C2CD5: variants seen among roughly 807,000 people sequenced by gnomAD.
The protein encoded by C2CD5 is C2 domain-containing protein 5.
Under a neutral mutation model 130.3 loss-of-function variants are expected in C2CD5, and 109 were observed. That is an observed-to-expected ratio of 0.84 (90% confidence interval 0.72 to 0.98). The LOEUF (loss-of-function observed/expected upper bound fraction) is 0.98, where lower values mean the gene tolerates loss of function less well. Ranked by LOEUF, C2CD5 falls within the 50% of genes least tolerant of loss-of-function variation. The pLI, the probability that C2CD5 is intolerant of heterozygous loss-of-function variation, is 0.00. For synonymous variants in C2CD5, 454 were observed against 429.2 expected (o/e 1.06, Z -0.71); for missense variants, 996 against 1,261.8 (o/e 0.79, Z 3.19).
intron 16 of C2CD5, among the ~76,000 whole-genome samples, chr12:22,473,383 T>C (rs1157174899): frequency 6.6e-6 from 1 of 152,112 alleles, no homozygotes; most frequent in South Asian, 2.1e-4. Flanking sequence ...TCTTCCCACA[T>C]CACCCTCAGG....
chr12:22,544,263 G>A (rs925127273), intron 1 of C2CD5, 57 bp downstream of exon 1: 3 of 999,396 alleles, frequency 3.0e-6, no homozygotes, highest in Admixed American at 3.6e-5. Context: ...TGACAGCGAA[G>A]GAGCGCGCGG....
intron 22 of C2CD5, among the ~76,000 whole-genome samples, chr12:22,466,565 T>C (rs1379408831): frequency 6.6e-6 from 1 of 152,158 alleles, no homozygotes; most frequent in Non-Finnish European, 1.5e-5. Context: ...AAGACTCTAT[T>C]ATATTTTTCA....
Position 22,512,781 on chromosome 12 carries a change from A to C in C2CD5, c.1038+513T>G, listed in dbSNP as rs868108098. On this transcript the variant is annotated intron_variant, in intron 9 of 26. Coordinates refer to ENST00000446597, the MANE Select transcript of C2CD5 (RefSeq NM_001286176.2). ...CAATGAACAAATATAGCTAAATCTC[A>C]AACTTACAATAACTGAAATAGATGC... 54 of 745,328 alleles carry C rather than the reference A, an allele frequency of 7.2e-5. 1 individual carries two copies. In the Middle Eastern group the frequency reaches 0.011, roughly 147 times the overall value. 46.2% of individuals were successfully genotyped at this position (745,328 alleles called of 1,614,324 possible). A position where few individuals can be genotyped will look rare whatever the true frequency, so the allele number is the denominator to read the frequency against.
intron 2 of C2CD5, 133 bp downstream of exon 2, chr12:22,543,928 G>A: frequency 1.5e-6 from 1 of 669,800 alleles, no homozygotes. Flanking sequence ...TCCCTCGTGG[G>A]AGAGCTGGAC....
At position 22,523,467 on chromosome 12, in the gene C2CD5, T is replaced by A. The variant is rs761253900; in HGVS notation, c.759A>T (p.Ala253=). The change falls in exon 7 of 27, where the codon GCA becomes GCT. Residue 253 remains alanine (A), a synonymous_variant. Coordinates refer to ENST00000446597, the MANE Select transcript of C2CD5 (RefSeq NM_001286176.2). ...ATGGGGAATTACATGCAGGAAGGAA[T>A]GCTGCTGGGCTACTTAATTTATCCA... ...CTLDKLSSPA[A]FLPACNSPSK... The A allele has an allele frequency of 1.3e-5, 21 of 1,613,958 alleles. No individual in the cohort carries two copies. The highest frequency in any genetic ancestry group is 1.6e-4 in the Middle Eastern group (1 of 6,084).
At chr12:22,505,254 CTTTTTTT>C (rs371726014) in intron 10 of C2CD5, among the ~76,000 whole-genome samples, 4 of 106,332 alleles carry the variant, frequency 3.8e-5, no homozygotes, top group African/African-American at 1.8e-4. Context: ...TTCTTTCTTT[CTTTTTTT>C]TTTTTTTTTT....
At chr12:22,518,217 G>A in intron 7 of C2CD5, 80 bp from the exon 8 acceptor site, 9 of 1,350,880 alleles carry the variant, frequency 6.7e-6, no homozygotes, top group Non-Finnish European at 9.5e-6. Flanking sequence ...CAAACACCAG[G>A]AAAGAATTGG....
intron 15 of C2CD5, among the ~76,000 whole-genome samples, chr12:22,475,284 T>A (rs1943678226): frequency 6.6e-6 from 1 of 152,196 alleles, no homozygotes; most frequent in Non-Finnish European, 1.5e-5. Context: ...CTAGAAAGAA[T>A]TCTAATCTTT....
At chr12:22,506,892 T>G in intron 9 of C2CD5, 73 bp from the exon 10 acceptor site, 1 of 870,190 alleles carries the variant, frequency 1.1e-6, no homozygotes, top group Non-Finnish European at 2.0e-6. Context: ...TTAAAAAGCT[T>G]GCCATAGCAA....
intron 25 of C2CD5, 103 bp downstream of exon 25, chr12:22,456,868 T>C (rs777910289): frequency 3.1e-6 from 2 of 645,494 alleles, no homozygotes; most frequent in Non-Finnish European, 5.3e-6. Context: ...TATAAATAAA[T>C]ATTTGTAAGT....
chr12:22,484,968 C>T (rs1479153151), intron 12 of C2CD5, 80 bp from the exon 13 acceptor site: 1 of 612,914 alleles, frequency 1.6e-6, no homozygotes, highest in African/African-American at 1.9e-5. Flanking sequence ...ACTGATATTA[C>T]ATACACAGTA....
At chr12:22,512,627 C>T (rs1949307533) in intron 9 of C2CD5, 1 of 1,462,538 alleles carries the variant, frequency 6.8e-7, no homozygotes, top group Non-Finnish European at 9.1e-7. Context: ...TAGGCTCTCA[C>T]ACATTTTTCA....
intron 14 of C2CD5, among the ~76,000 whole-genome samples, chr12:22,480,956 A>G (rs1944622597): frequency 6.6e-6 from 1 of 152,014 alleles, no homozygotes; most frequent in African/African-American, 2.4e-5. Flanking sequence ...AGGCACAAGC[A>G]GCCACGCCTG....
Position 22,482,739 on chromosome 12 carries a change from A to G in C2CD5, c.1555T>C (p.Cys519Arg), listed in dbSNP as rs544893849. Residue 519 changes from cysteine to arginine, a missense_variant, in exon 14 of 27, where the codon TGT (cysteine) becomes CGT (arginine). Transcript: ENST00000446597. ...GCCTGTGCTTTCTTTTTTAAGCGAC[A>G]TAACCTGTAAAGGAAAATAAGTCAG... is the stretch of plus-strand genomic sequence containing the variant. ...GKGCLIQARL[C>R]RLKKKAQAEA... is the part of the protein sequence containing the mutation. 1.9e-6 allele frequency: 3 copies of G among 1,612,110 alleles called. No homozygotes were observed. The highest frequency in any genetic ancestry group is 2.5e-6 in the Non-Finnish European group (3 of 1,178,478).
chr12:22,482,987 G>A (rs530375762), intron 13 of C2CD5, among the ~76,000 whole-genome samples: 119 of 152,194 alleles, frequency 7.8e-4, no homozygotes, highest in Non-Finnish European at 1.5e-3. Flanking sequence ...TAGCACAACA[G>A]GGTATCTACA....
chr12:22,467,008 T>G (rs1372637151), intron 22 of C2CD5, among the ~76,000 whole-genome samples: 1 of 152,136 alleles, frequency 6.6e-6, no homozygotes, highest in African/African-American at 2.4e-5. Flanking sequence ...TTCAGAAAAG[T>G]AGGGGATCCA....
chr12:22,522,411 T>G (rs1591973685), intron 7 of C2CD5, among the ~76,000 whole-genome samples: 1 of 152,226 alleles, frequency 6.6e-6, no homozygotes, highest in African/African-American at 2.4e-5. Flanking sequence ...ACCATCATGT[T>G]GAAAATCTCT....
chr12:22,502,150 A>G (rs1947883677), intron 10 of C2CD5, among the ~76,000 whole-genome samples: 1 of 152,124 alleles, frequency 6.6e-6, no homozygotes, highest in South Asian at 2.1e-4. Context: ...CATATGTAAA[A>G]TTACTTTTTA....
intron 7 of C2CD5, among the ~76,000 whole-genome samples, chr12:22,519,494 G>A (rs1310923638): frequency 1.3e-5 from 2 of 151,928 alleles, no homozygotes; most frequent in Non-Finnish European, 2.9e-5. Context: ...ATAGCAAGCA[G>A]AATAGTCAAT....
Sources: gnomAD v4.1 joint callset for allele counts (sites outside exome capture counted in the v4.1 genomes callset) on GRCh38, gnomAD v4.1.1 for gene constraint, MANE v1.5 for transcripts, NCBI Gene and HGNC (gene_info 2026-07-23, HGNC 2026-07-21) for gene names.